Variants in RYR2 observed in about 807,000 individuals in gnomAD.
The protein encoded by RYR2 is cardiac muscle ryanodine receptor-calcium release channel.
In RYR2, 227 loss-of-function variants were observed where a neutral mutation model predicts 601.1. That is an observed-to-expected ratio of 0.38 (90% CI 0.34 to 0.42). The LOEUF (loss-of-function observed/expected upper bound fraction) is 0.42. Among genes scored for constraint, RYR2 ranks in the 10% least tolerant of loss-of-function variants. The pLI is 1.00. For synonymous variants in RYR2, 2,223 were observed against 2,175.1 expected (o/e 1.02, Z -0.61); for missense variants, 4,646 against 6,156.5 (o/e 0.75, Z 8.21).
At chr1:237,786,746 GAAGA>G (rs1012494680) in intron 91 of RYR2, among the ~76,000 whole-genome samples, 7 of 152,200 alleles carry the variant, frequency 4.6e-5, no homozygotes, top group African/African-American at 1.7e-4. Flanking sequence ...AAAGTTGGGG[GAAGA>G]AAGAAAGGAA....
intron 11 of RYR2, 84 bp from the exon 12 acceptor site, chr1:237,423,008 G>A: frequency 1.4e-6 from 2 of 1,456,324 alleles, no homozygotes; most frequent in Non-Finnish European, 1.9e-6. Context: ...ATATATGACT[G>A]TTCATTGTCC....
chr1:237,701,909 T>G (rs1165196107), intron 65 of RYR2, 69 bp from the exon 66 acceptor site: 1 of 872,336 alleles, frequency 1.1e-6, no homozygotes, highest in East Asian at 2.5e-5. Flanking sequence ...AGTACATAGC[T>G]TAAGCTTTCT....
intron 1 of RYR2, among the ~76,000 whole-genome samples, chr1:237,246,593 C>T (rs1208250271): frequency 6.6e-6 from 1 of 152,188 alleles, no homozygotes; most frequent in Non-Finnish European, 1.5e-5. Context: ...TGCACAACTG[C>T]ACCTGGCTTT....
At chr1:237,229,482 G>A (rs1684738640) in intron 1 of RYR2, among the ~76,000 whole-genome samples, 1 of 152,178 alleles carries the variant, frequency 6.6e-6, no homozygotes, top group Non-Finnish European at 1.5e-5. Context: ...CCTATGATGG[G>A]GAAAGTTGGA....
chr1:237,718,215 T>C lies in RYR2; in HGVS notation c.10495-247T>C, dbSNP rs190009258. 1.2e-3 allele frequency among the ~76,000 whole-genome samples: 178 copies of C among 152,334 alleles called. 1 individual carries two copies. The highest frequency in any genetic ancestry group is 4.2e-3 in the African/African-American group (173 of 41,584). On this transcript the variant is annotated intron_variant, in intron 72 of 104. Transcript: ENST00000366574. The stretch of plus-strand genomic sequence containing the variant: ...GCTATGCCCCCTTCTTCTTATGAAT[T>C]GGAAACTTGATTCCATTGAATTTCA...
intron 10 of RYR2, among the ~76,000 whole-genome samples, chr1:237,394,671 T>C (rs1408056266): frequency 6.6e-6 from 1 of 152,234 alleles, no homozygotes; most frequent in Admixed American, 6.5e-5. Flanking sequence ...CTCAATTCTT[T>C]TAATATTTAT....
At chr1:237,608,489 G>C (rs770505556) in intron 35 of RYR2, among the ~76,000 whole-genome samples, 1 of 152,124 alleles carries the variant, frequency 6.6e-6, no homozygotes, top group Non-Finnish European at 1.5e-5. Context: ...CTTGAGCCCA[G>C]AAGTTTGAAA....
Position 237,469,168 on chromosome 1 carries a change from A to G in RYR2, c.1689A>G (p.Glu563=), listed in dbSNP as rs760128338. 6.2e-7 allele frequency: 1 copy of G among 1,608,892 alleles called. No individual in the cohort carries two copies. The highest frequency in any genetic ancestry group is 2.2e-5 in the East Asian group (1 of 44,798). ...TCGACTGGTTGATCAGCAGATTGGA[A>G]AGACTGGAAGCTTCTTCAGGTATGT... ...GSLDWLISRL[E]RLEASSGILE... The change falls in exon 17 of 105, where the codon GAA becomes GAG. Residue 563 remains glutamate, a synonymous_variant. Transcript: ENST00000366574.
chr1:237,065,736 G>C (rs1663522492), intron 1 of RYR2, among the ~76,000 whole-genome samples: 1 of 152,162 alleles, frequency 6.6e-6, no homozygotes, highest in Admixed American at 6.5e-5. Flanking sequence ...AAATATCTGA[G>C]ACTGGGTAAT....
In RYR2 at chr1:237,819,129, C is replaced by A. The variant is rs1553339074; in HGVS notation, c.14527C>A (p.Arg4843=). ...AGCAGGAGATGAATATGAGATCTAT[C>A]GAATCATCTTTGACATCACTTTCTT... ...DPAGDEYEIY[R]IIFDITFFFF... The change falls in exon 101 of 105, where the codon CGA becomes AGA. Residue 4843 remains arginine (R), a synonymous_variant. Coordinates refer to ENST00000366574, the MANE Select transcript of RYR2 (RefSeq NM_001035.3). The surrounding 1 kb of genome is among the most constrained non-coding windows in gnomAD (Gnocchi z 4.0). 1.9e-6 allele frequency: 3 copies of A among 1,613,458 alleles called. No individual in the cohort carries two copies. The highest frequency in any genetic ancestry group is 2.5e-6 in the Non-Finnish European group (3 of 1,179,462).
Position 237,423,255 on chromosome 1 carries a change from C to T in RYR2, c.1005+7C>T, listed in dbSNP as rs774100182. On this transcript the variant is annotated splice_region_variant and intron_variant, in intron 12 of 104. Transcript: ENST00000366574. ...TACCTTCCGGTCTTCCAAGGTGAGACAGAAAATATTTTGGGTTTCCTATAA... is the reference window on the plus strand; with the variant it reads ...TACCTTCCGGTCTTCCAAGGTGAGATAGAAAATATTTTGGGTTTCCTATAA... 8.1e-6 allele frequency: 13 copies of T among 1,610,080 alleles called. No homozygotes were observed. The highest frequency in any genetic ancestry group is 2.7e-5 in the African/African-American group (2 of 74,648).
rs190590065 is a variant in RYR2 at position 237,575,223 on chromosome 1, C to T, written c.3598+5904C>T. ...GAAGCCATTTTTATTATAAGCCATGCTGCCTAATAACTTAGTTGACACTTC... is the reference window on the plus strand; with the variant it reads ...GAAGCCATTTTTATTATAAGCCATGTTGCCTAATAACTTAGTTGACACTTC... On this transcript the variant is annotated intron_variant, in intron 29 of 104. Coordinates refer to ENST00000366574, the MANE Select transcript of RYR2 (RefSeq NM_001035.3). 9.2e-5 allele frequency among the ~76,000 whole-genome samples: 14 copies of T among 152,292 alleles called. No homozygotes were observed. The East Asian group carries it at 2.5e-3, about 27-fold the overall frequency.
At chr1:237,282,150 C>T (rs1690958860) in intron 2 of RYR2, among the ~76,000 whole-genome samples, 1 of 150,920 alleles carries the variant, frequency 6.6e-6, no homozygotes, top group Non-Finnish European at 1.5e-5. Context: ...GGAGTGAACA[C>T]ACTGCAGCAA....
chr1:237,369,588 C>T lies in RYR2; in HGVS notation c.364C>T (p.Arg122Cys), dbSNP rs397516527. ...TLLYGHAILL[R>C]HSYSGMYLCC... ...CCTCTACGGACATGCCATATTGCTG[C>T]GCCATTCCTATAGTGGCATGGTGAG... Residue 122 changes from arginine (R) to cysteine (C), a missense_variant, in exon 6 of 105, where the codon CGC becomes TGC. Arg to Cys is a radical substitution (Grantham distance 180). This residue lies in a region of RYR2 where 153 missense variants were observed against 203.6 expected (regional missense o/e 0.75). Transcript: ENST00000366574. 17 of 1,563,054 alleles carry T rather than the reference C, an allele frequency of 1.1e-5. No individual in the cohort carries two copies. The highest frequency in any genetic ancestry group is 2.4e-5 in the South Asian group (2 of 84,782).
chr1:237,253,472 C>T (rs1278194419), intron 1 of RYR2, among the ~76,000 whole-genome samples: 3 of 152,200 alleles, frequency 2.0e-5, no homozygotes, highest in East Asian at 1.9e-4. Context: ...TATTTTACCC[C>T]TTGTAAACTG....
intron 10 of RYR2, among the ~76,000 whole-genome samples, chr1:237,396,781 A>T (rs1392821793): frequency 6.6e-6 from 1 of 152,232 alleles, no homozygotes; most frequent in African/African-American, 2.4e-5. Context: ...ACTTCCAAAC[A>T]TACACAAAAG....
intron 14 of RYR2, among the ~76,000 whole-genome samples, chr1:237,452,077 T>TGTGTGTGTGTGTGTGTGTG (rs1553457209): frequency 5.4e-5 from 4 of 74,448 alleles, no homozygotes; most frequent in African/African-American, 9.8e-5. Context: ...ATATAAAATT[T>TGTGTGTGTGTGTGTGTGTG]TGTGTGTGTG....
intron 1 of RYR2, among the ~76,000 whole-genome samples, chr1:237,162,873 G>T (rs116506838): frequency 6.6e-6 from 1 of 152,112 alleles, no homozygotes; most frequent in Non-Finnish European, 1.5e-5. Context: ...CGTTCTGCAG[G>T]AGTCTAATGG....
chr1:237,162,375 T>C (rs1456754000), intron 1 of RYR2, among the ~76,000 whole-genome samples: 1 of 152,032 alleles, frequency 6.6e-6, no homozygotes, highest in East Asian at 1.9e-4. Flanking sequence ...AGAAAGCCTC[T>C]TCCTCATGAA....
Sources: allele counts gnomAD v4.1 joint callset (sites outside exome capture counted in the v4.1 genomes callset), GRCh38; gene constraint gnomAD v4.1.1; regional missense constraint gnomAD v4.1.1; non-coding constraint Gnocchi (gnomAD v3.1); transcripts MANE v1.5; gene names NCBI Gene and HGNC (gene_info 2026-07-23, HGNC 2026-07-21).